The following NALF1 variants were observed in gnomAD, a reference collection of about 807,000 sequenced individuals.
NALF1 encodes family with sequence similarity 155 member A.
NALF1 carries 3 observed loss-of-function variants against 48.4 expected under a neutral mutation model. The observed-to-expected ratio is 0.06, with a 90% CI of 0.03 to 0.16. The LOEUF (loss-of-function observed/expected upper bound fraction) is 0.16, where lower values mean the gene tolerates loss of function less well. Ranked by LOEUF, NALF1 falls within the 10% of genes least tolerant of loss-of-function variation. The pLI is 1.00. For missense variants in NALF1, 526 were observed against 571.5 expected (o/e 0.92, Z 0.81); for synonymous variants, 262 against 245.7 (o/e 1.07, Z -0.62).
intron 1 of NALF1, among the ~76,000 whole-genome samples, chr13:107,824,995 A>G (rs1311422090): frequency 6.6e-6 from 1 of 152,172 alleles, no homozygotes; most frequent in Non-Finnish European, 1.5e-5. Flanking sequence ...AGTAGCTACA[A>G]TGCTTTTGTT....
chr13:107,653,299 G>A (rs1460172394), intron 1 of NALF1, among the ~76,000 whole-genome samples: 1 of 149,794 alleles, frequency 6.7e-6, no homozygotes, highest in Non-Finnish European at 1.5e-5. Flanking sequence ...ATCGTAGGGG[G>A]AGAAGGAAAT....
chr13:107,304,772 T>C (rs913283641), intron 1 of NALF1, among the ~76,000 whole-genome samples: 9 of 152,220 alleles, frequency 5.9e-5, no homozygotes, highest in African/African-American at 1.9e-4. Flanking sequence ...AGAATGTCAA[T>C]TGCTGGAGAG....
Position 107,485,505 on chromosome 13 carries a change from A to G in NALF1, c.916-274750T>C, listed in dbSNP as rs115671654. On this transcript the variant is annotated intron_variant, in intron 1 of 2. Coordinates refer to ENST00000375915, the MANE Select transcript of NALF1 (RefSeq NM_001080396.3). Reference sequence around the variant, plus strand: ...AAGGACTCTACCTTCCACCACATCAATTATATCCATTCCCCACATCTCATT... The same window carrying G: ...AAGGACTCTACCTTCCACCACATCAGTTATATCCATTCCCCACATCTCATT... 6.2e-3 allele frequency among the ~76,000 whole-genome samples: 941 copies of G among 152,200 alleles called. 11 individuals are homozygous for G. Among genetic ancestry groups the G allele is most frequent in the African/African-American group, 0.021 (867 of 41,534 alleles).
At chr13:107,230,773 T>C (rs1032091605) in intron 1 of NALF1, among the ~76,000 whole-genome samples, 2 of 151,390 alleles carry the variant, frequency 1.3e-5, no homozygotes, top group African/African-American at 4.8e-5. Context: ...AAAAAAGCAG[T>C]GTTAAGCCAG....
intron 1 of NALF1, among the ~76,000 whole-genome samples, chr13:107,641,016 CAATGGATA>C (rs966599663): frequency 6.6e-6 from 1 of 152,158 alleles, no homozygotes; most frequent in African/African-American, 2.4e-5. Flanking sequence ...CTATGTCCAT[CAATGGATA>C]AATGGATAAC....
intron 1 of NALF1, among the ~76,000 whole-genome samples, chr13:107,824,152 A>C (rs1262757060): frequency 6.6e-6 from 1 of 152,190 alleles, no homozygotes; most frequent in Non-Finnish European, 1.5e-5. Flanking sequence ...TATTAAAATA[A>C]GTGTGGTAAG....
Position 107,710,409 on chromosome 13 carries a change from C to T in NALF1, c.915+155273G>A, listed in dbSNP as rs373887215. Among the ~76,000 whole-genome samples the T allele has an allele frequency of 3.9e-5, 6 of 152,202 alleles. 1 individual carries two copies. In the East Asian group the frequency reaches 5.8e-4, roughly 15 times the overall value. ...GGAGACCAGGTGTTCTGGATTAGGG[C>T]TTGCGTTAGTTCGTTTTCACACTGC... On this transcript the variant is annotated intron_variant, in intron 1 of 2. Coordinates refer to ENST00000375915, the MANE Select transcript of NALF1 (RefSeq NM_001080396.3).
At chr13:107,691,745 A>T (rs1881573849) in intron 1 of NALF1, among the ~76,000 whole-genome samples, 1 of 152,228 alleles carries the variant, frequency 6.6e-6, no homozygotes, top group Non-Finnish European at 1.5e-5. Flanking sequence ...ATAATAGTCA[A>T]GAAGAGTCTA....
chr13:107,527,002 A>C (rs1224684624), intron 1 of NALF1, among the ~76,000 whole-genome samples: 1 of 152,200 alleles, frequency 6.6e-6, no homozygotes, highest in Non-Finnish European at 1.5e-5. Flanking sequence ...CTCTTGAATA[A>C]GGGCACTAAG....
intron 1 of NALF1, among the ~76,000 whole-genome samples, chr13:107,239,069 C>A (rs1388444531): frequency 6.6e-6 from 1 of 151,892 alleles, no homozygotes; most frequent in Non-Finnish European, 1.5e-5. Flanking sequence ...GAATAATTTA[C>A]AGAAGGTCAA....
At chr13:107,813,207 T>TAAA (rs1879052940) in intron 1 of NALF1, among the ~76,000 whole-genome samples, 1 of 152,214 alleles carries the variant, frequency 6.6e-6, no homozygotes, top group Non-Finnish European at 1.5e-5. Flanking sequence ...TATGCTTATT[T>TAAA]ATATGTGTCA....
chr13:107,742,518 C>G (rs1876669167), intron 1 of NALF1, among the ~76,000 whole-genome samples: 2 of 152,172 alleles, frequency 1.3e-5, no homozygotes, highest in Admixed American at 1.3e-4. Flanking sequence ...TTACTCAGCA[C>G]TTTACCTTCC....
intron 1 of NALF1, among the ~76,000 whole-genome samples, chr13:107,244,655 C>T (rs1197759526): frequency 1.2e-4 from 18 of 152,144 alleles, no homozygotes; most frequent in Non-Finnish European, 2.9e-5. Flanking sequence ...GTAGCTGATG[C>T]AAACAAATTC....
chr13:107,406,166 A>G (rs1266756706), intron 1 of NALF1, among the ~76,000 whole-genome samples: 1 of 152,062 alleles, frequency 6.6e-6, no homozygotes, highest in Non-Finnish European at 1.5e-5. Flanking sequence ...TTGTGAAGTC[A>G]CTTGATTATT....
intron 1 of NALF1, among the ~76,000 whole-genome samples, chr13:107,238,967 T>C (rs555001106): frequency 9.9e-5 from 15 of 152,082 alleles, no homozygotes; most frequent in Admixed American, 6.5e-4. Flanking sequence ...TGCAAGATTA[T>C]AGAAAGAGAA....
chr13:107,474,764 GT>G (rs1040988052), intron 1 of NALF1, among the ~76,000 whole-genome samples: 86 of 152,142 alleles, frequency 5.7e-4, no homozygotes, highest in African/African-American at 1.9e-3. Context: ...TACCATGGAA[GT>G]TTTTTTTGTT....
chr13:107,387,755 C>A (rs1883554708), intron 1 of NALF1, among the ~76,000 whole-genome samples: 1 of 152,194 alleles, frequency 6.6e-6, no homozygotes, highest in Admixed American at 6.5e-5. Context: ...ACAATTGGTG[C>A]AGCAGCTGCC....
At chr13:107,534,798 G>A (rs1038129088) in intron 1 of NALF1, among the ~76,000 whole-genome samples, 4 of 152,094 alleles carry the variant, frequency 2.6e-5, no homozygotes, top group African/African-American at 9.7e-5. Context: ...CTGACCTGAA[G>A]CTTCTCCTCT....
At chr13:107,641,119 C>T (rs1566426349) in intron 1 of NALF1, among the ~76,000 whole-genome samples, 1 of 152,038 alleles carries the variant, frequency 6.6e-6, no homozygotes, top group Admixed American at 6.6e-5. Flanking sequence ...ATGGATGCAA[C>T]TGGAGGTGAT....
Sources: allele counts gnomAD v4.1 joint callset (sites outside exome capture counted in the v4.1 genomes callset), GRCh38; gene constraint gnomAD v4.1.1; transcripts MANE v1.5; gene names NCBI Gene and HGNC (gene_info 2026-07-23, HGNC 2026-07-21).